The following TEX55 variants were observed in gnomAD, a reference collection of about 807,000 sequenced individuals.
The protein encoded by TEX55 is testis expressed 55, also known as testis-specific expressed protein 55.
TEX55 carries 31 observed loss-of-function variants against 44.6 expected under a neutral mutation model. The ratio of observed to expected loss-of-function variants is 0.69; its 90% CI spans 0.52 to 0.94. The LOEUF (loss-of-function observed/expected upper bound fraction) is 0.94, where lower values mean the gene tolerates loss of function less well. Ranked by LOEUF, TEX55 falls within the 40% of genes least tolerant of loss-of-function variation. TEX55 has a pLI of 0.00. For synonymous variants in TEX55, 230 were observed against 230.9 expected (o/e 1.00, Z 0.04); for missense variants, 639 against 638.4 (o/e 1.00, Z -0.01).
Position 119,148,247 on chromosome 3 carries a change from C to G in TEX55, c.1466C>G (p.Pro489Arg), listed in dbSNP as rs769082122. ...CGCAATCAAACTTATAGAAGGTTCC[C>G]TTCTATAGTTTATGAAGATCCTTAC... ...HIRNQTYRRFPSIVYEDPYQV... is the reference protein window; with the variant it reads ...HIRNQTYRRFRSIVYEDPYQV... The change falls in exon 2 of 3, where the codon CCT becomes CGT. Residue 489 changes from proline to arginine, a missense_variant. Transcript: ENST00000295622. 7.4e-6 allele frequency: 12 copies of G among 1,612,160 alleles called. No individual in the cohort carries two copies. Among genetic ancestry groups the G allele is most frequent in the Non-Finnish European group, 6.8e-6 (8 of 1,179,136 alleles).
At chr3:119,148,035 G>A (rs919538238) in intron 1 of TEX55, 145 bp from the exon 2 acceptor site, 12 of 750,072 alleles carry the variant, frequency 1.6e-5, no homozygotes, top group Non-Finnish European at 2.7e-5. Context: ...AGACCTGGAG[G>A]ATTATCCAAG....
chr3:119,148,338 T>C lies in TEX55; in HGVS notation c.1542+15T>C, dbSNP rs1223640191. On this transcript the variant is annotated intron_variant, in intron 2 of 2. Coordinates refer to ENST00000295622, the MANE Select transcript of TEX55 (RefSeq NM_152539.3). ...AAATATTCCAGGTAAACCTCTCAAT[T>C]CCTCTCTTTAATTATAAGTTTTTCA... is the stretch of plus-strand genomic sequence containing the variant. The C allele has an allele frequency of 6.2e-7, 1 of 1,604,798 alleles. No individual in the cohort carries two copies. Among genetic ancestry groups the C allele is most frequent in the South Asian group, 1.1e-5 (1 of 88,738 alleles).
chr3:119,146,204 G>T lies in TEX55; in HGVS notation c.15G>T (p.Pro5=). The stretch of plus-strand genomic sequence containing the variant: ...CGCGGCAGGAAATGGAAGAGCCTCC[G>T]CAAGAGGCTCTGGCTGAACCCTTGA... MEEP[P]QEALAEPLKH... The change falls in exon 1 of 3, where the codon CCG becomes CCT. Residue 5 remains proline (P), a synonymous_variant. Coordinates refer to ENST00000295622, the MANE Select transcript of TEX55 (RefSeq NM_152539.3). 6.5e-7 allele frequency: 1 copy of T among 1,533,068 alleles called. No homozygotes were observed. Among genetic ancestry groups the T allele is most frequent in the Non-Finnish European group, 8.8e-7 (1 of 1,130,672 alleles). 95.0% of individuals were successfully genotyped at this position (1,533,068 alleles called of 1,614,324 possible).
In TEX55 at chr3:119,147,278, T is replaced by C. The variant is rs746806413; in HGVS notation, c.1089T>C (p.Tyr363=). The part of the protein sequence containing the change: ...QANHKDQLSY[Y]ETRGQSEDRI... ...ATCATAAAGACCAGCTGTCTTACTATGAAACACGTGGCCAGTCTGAAGACA... is the reference window on the plus strand; with the variant it reads ...ATCATAAAGACCAGCTGTCTTACTACGAAACACGTGGCCAGTCTGAAGACA... Residue 363 remains tyrosine (Y), a synonymous_variant, in exon 1 of 3, where the codon TAT becomes TAC. Transcript: ENST00000295622. 1 of 1,614,154 alleles carries C rather than the reference T, an allele frequency of 6.2e-7. No individual in the cohort carries two copies.
At position 119,146,954 on chromosome 3, in the gene TEX55, C is replaced by T. The variant is rs4077931; in HGVS notation, c.765C>T (p.Ser255=). ...GSSVPSDQRP[S]VQIDRRMSGK... is the part of the protein sequence containing the mutation. ...CCGTACCATCTGACCAAAGACCTTC[C>T]GTACAGATTGACCGCAGAATGTCAG... Residue 255 remains serine (S), a synonymous_variant, in exon 1 of 3, where the codon TCC becomes TCT. Coordinates refer to ENST00000295622, the MANE Select transcript of TEX55 (RefSeq NM_152539.3). The T allele has an allele frequency of 0.27, 434,766 of 1,613,988 alleles. 59,256 individuals are homozygous for T. The highest frequency in any genetic ancestry group is 0.31 in the South Asian group (27,827 of 91,072).
chr3:119,150,240 G>C (rs1416353007), intron 2 of TEX55, among the ~76,000 whole-genome samples: 1 of 152,024 alleles, frequency 6.6e-6, no homozygotes, highest in Non-Finnish European at 1.5e-5. Flanking sequence ...TTTAATTAAA[G>C]AACTACTAAT....
intron 1 of TEX55, among the ~76,000 whole-genome samples, chr3:119,147,909 CAGG>C (rs1341089133): frequency 1.3e-5 from 2 of 152,160 alleles, no homozygotes; most frequent in East Asian, 3.8e-4. Flanking sequence ...GGGCTTCTAC[CAGG>C]AGAAGGGAAT....
chr3:119,148,047 C>G lies in TEX55; in HGVS notation c.1399-133C>G, dbSNP rs1576851992. On this transcript the variant is annotated intron_variant, in intron 1 of 2. Coordinates refer to ENST00000295622, the MANE Select transcript of TEX55 (RefSeq NM_152539.3). Reference sequence around the variant, plus strand: ...TGGAGACCTGGAGGATTATCCAAGTCTCTCTTAAAAATGTGTATTTTCTCC... The same window carrying G: ...TGGAGACCTGGAGGATTATCCAAGTGTCTCTTAAAAATGTGTATTTTCTCC... 7 of 810,572 alleles carry G rather than the reference C, an allele frequency of 8.6e-6. No homozygotes were observed. The East Asian group carries it at 1.8e-4, about 21-fold the overall frequency. 50.2% of individuals were successfully genotyped at this position (810,572 alleles called of 1,614,324 possible).
intron 2 of TEX55, among the ~76,000 whole-genome samples, chr3:119,148,711 G>A (rs1017591413): frequency 5.3e-5 from 8 of 152,310 alleles, no homozygotes; most frequent in Middle Eastern, 6.8e-3. Flanking sequence ...TTTTGTCACT[G>A]TGTAAACATC....
chr3:119,146,549 C>T lies in TEX55; in HGVS notation c.360C>T (p.Ser120=). The T allele has an allele frequency of 6.2e-7, 1 of 1,613,956 alleles. No individual in the cohort carries two copies. The highest frequency in any genetic ancestry group is 1.3e-5 in the African/African-American group (1 of 75,060). ...PSEQTKGKAS[S]QANNVQHEQS... is the part of the protein sequence containing the mutation. ...AACAGACTAAAGGCAAGGCATCTAG[C>T]CAAGCTAATAATGTACAGCATGAAC... Residue 120 remains serine (S), a synonymous_variant, in exon 1 of 3, where the codon AGC becomes AGT. Coordinates refer to ENST00000295622, the MANE Select transcript of TEX55 (RefSeq NM_152539.3).
rs1450524131 is a variant in TEX55, at chr3:119,146,818, T to G, written c.629T>G (p.Ile210Ser). Residue 210 changes from isoleucine (I) to serine (S), a missense_variant, in exon 1 of 3, where the codon ATT becomes AGT. Physicochemically the swap from Ile to Ser is moderately radical, Grantham distance 142. Transcript: ENST00000295622. ...GCTGAGCGAAGAACTTCTGAGCAGA[T>G]TACACACAGATTATCCAAACTATCT... ...GEAERRTSEQ[I>S]THRLSKLSER... 1 of 1,614,136 alleles carries G rather than the reference T, an allele frequency of 6.2e-7. No individual in the cohort carries two copies. The highest frequency in any genetic ancestry group is 1.7e-5 in the Admixed American group (1 of 60,024).
At position 119,146,275 on chromosome 3, in the gene TEX55, G is replaced by T. The variant is rs1288715769; in HGVS notation, c.86G>T (p.Gly29Val). The change falls in exon 1 of 3, where the codon GGC becomes GTC. Residue 29 changes from glycine (G) to valine (V), a missense_variant. Physicochemically the swap from Gly to Val is moderately radical, Grantham distance 109. Transcript: ENST00000295622. Reference protein sequence around the residue: ...AAPSSAGHTKGQEEDDQKNQA... With the variant: ...AAPSSAGHTKVQEEDDQKNQA... Reference sequence around the variant, plus strand: ...CCCTCAAGTGCTGGCCACACTAAGGGCCAGGAAGAAGACGACCAGAAGAAC... The same window carrying T: ...CCCTCAAGTGCTGGCCACACTAAGGTCCAGGAAGAAGACGACCAGAAGAAC... 1.3e-5 allele frequency: 21 copies of T among 1,613,842 alleles called. No homozygotes were observed. Among genetic ancestry groups the T allele is most frequent in the Non-Finnish European group, 1.8e-5 (21 of 1,180,008 alleles).
chr3:119,147,357 G>A lies in TEX55; in HGVS notation c.1168G>A (p.Val390Ile). 1 of 1,614,178 alleles carries A rather than the reference G, an allele frequency of 6.2e-7. No homozygotes were observed. The highest frequency in any genetic ancestry group is 8.5e-7 in the Non-Finnish European group (1 of 1,180,032). ...AGAGGACAAAGAGGCTGACTACAGA[G>A]TACAACCCTGCAAATTTGAGGATAG... ...SKEDKEADYR[V>I]QPCKFEDSQV... Residue 390 changes from valine (V) to isoleucine (I), a missense_variant, in exon 1 of 3, where the codon GTA (valine) becomes ATA (isoleucine). Transcript: ENST00000295622.
rs1310150699 is a variant in TEX55, at chr3:119,146,227, T to G, written c.38T>G (p.Leu13Trp). 6.2e-7 allele frequency: 1 copy of G among 1,613,368 alleles called. No homozygotes were observed. Among genetic ancestry groups the G allele is most frequent in the South Asian group, 1.1e-5 (1 of 90,998 alleles). Residue 13 changes from leucine to tryptophan, a missense_variant, in exon 1 of 3, where the codon TTG becomes TGG. By Grantham distance (61) the Leu-to-Trp change is moderately conservative. Transcript: ENST00000295622. ...CCGCAAGAGGCTCTGGCTGAACCCT[T>G]GAAACATGAAAGCCCAGCCGCTCCC... Reference protein sequence around the residue: ...EPPQEALAEPLKHESPAAPSS... With the variant: ...EPPQEALAEPWKHESPAAPSS...
rs933531892 is a variant in TEX55, at chr3:119,147,448, C to G, written c.1259C>G (p.Pro420Arg). 1.9e-5 allele frequency: 30 copies of G among 1,614,152 alleles called. No homozygotes were observed. Among genetic ancestry groups the G allele is most frequent in the Non-Finnish European group, 2.5e-5 (30 of 1,180,020 alleles). The change falls in exon 1 of 3, where the codon CCC becomes CGC. Residue 420 changes from proline to arginine, a missense_variant. Pro to Arg is a moderately radical substitution (Grantham distance 103, BLOSUM62 -2). Coordinates refer to ENST00000295622, the MANE Select transcript of TEX55 (RefSeq NM_152539.3). ...ACTCAGAATGCAACCACTATCCCAC[C>G]CTACAACCCAGTTGATGCCAGATTC... is the stretch of plus-strand genomic sequence containing the variant. The part of the protein sequence containing the change: ...METQNATTIP[P>R]YNPVDARFTS...
At chr3:119,148,912 T>G (rs2077755983) in intron 2 of TEX55, among the ~76,000 whole-genome samples, 1 of 152,206 alleles carries the variant, frequency 6.6e-6, no homozygotes, top group Non-Finnish European at 1.5e-5. Flanking sequence ...ATATGAGAGA[T>G]AAAAATGGTA....
chr3:119,146,816 G>A lies in TEX55; in HGVS notation c.627G>A (p.Gln209=). 1 of 1,614,256 alleles carries A rather than the reference G, an allele frequency of 6.2e-7. No individual in the cohort carries two copies. Among genetic ancestry groups the A allele is most frequent in the Non-Finnish European group, 8.5e-7 (1 of 1,180,046 alleles). ...AGGCTGAGCGAAGAACTTCTGAGCA[G>A]ATTACACACAGATTATCCAAACTAT... The part of the protein sequence containing the change: ...SGEAERRTSE[Q]ITHRLSKLSE... The change falls in exon 1 of 3, where the codon CAG becomes CAA. Residue 209 remains glutamine, a synonymous_variant. Transcript: ENST00000295622.
At chr3:119,149,666 A>G (rs1195323288) in intron 2 of TEX55, among the ~76,000 whole-genome samples, 1 of 152,208 alleles carries the variant, frequency 6.6e-6, no homozygotes, top group Non-Finnish European at 1.5e-5. Context: ...CAGCTTCACC[A>G]CAGACACATG....
At chr3:119,148,913 A>G (rs990919332) in intron 2 of TEX55, among the ~76,000 whole-genome samples, 1 of 152,214 alleles carries the variant, frequency 6.6e-6, no homozygotes, top group Non-Finnish European at 1.5e-5. Flanking sequence ...TATGAGAGAT[A>G]AAAATGGTAC....
Sources: allele counts gnomAD v4.1 joint callset (sites outside exome capture counted in the v4.1 genomes callset), GRCh38; gene constraint gnomAD v4.1.1; transcripts MANE v1.5; gene names NCBI Gene and HGNC (gene_info 2026-07-23, HGNC 2026-07-21).